The following SHB variants were observed in gnomAD, a reference collection of about 807,000 sequenced individuals.
SHB encodes SH2 domain containing adaptor protein B, also known as SH2 domain-containing adapter protein B.
SHB carries 20 observed loss-of-function variants against 52.3 expected under a neutral mutation model. That is an observed-to-expected ratio of 0.38 (90% confidence interval 0.27 to 0.56). The LOEUF is 0.56. SHB is among the 20% of genes least tolerant of loss of function. The pLI, the probability that SHB is intolerant of heterozygous loss-of-function variation, is 0.71. For missense variants in SHB, 825 were observed against 723.3 expected (o/e 1.14, Z -1.61); for synonymous variants, 397 against 316.5 (o/e 1.25, Z -2.70).
chr9:38,021,660 T>C (rs1326301492), intron 1 of SHB, among the ~76,000 whole-genome samples: 3 of 151,582 alleles, frequency 2.0e-5, no homozygotes, highest in African/African-American at 7.3e-5. Context: ...ACAGCGAGAC[T>C]CTGTCTCAAA....
intron 1 of SHB, among the ~76,000 whole-genome samples, chr9:38,023,502 CGAG>C (rs1048747843): frequency 6.6e-6 from 1 of 152,060 alleles, no homozygotes; most frequent in Non-Finnish European, 1.5e-5. Context: ...TCTCTGCCCA[CGAG>C]AAGATGAAAA....
At chr9:38,010,738 G>A (rs985928656) in intron 2 of SHB, among the ~76,000 whole-genome samples, 10 of 152,204 alleles carry the variant, frequency 6.6e-5, no homozygotes, top group African/African-American at 2.4e-4. Context: ...TTCCTGGAGG[G>A]CAGTGGCGGT....
chr9:38,045,039 G>C (rs1458257523), intron 1 of SHB, among the ~76,000 whole-genome samples: 2 of 152,244 alleles, frequency 1.3e-5, no homozygotes, highest in Non-Finnish European at 2.9e-5. Flanking sequence ...GAGGCATACA[G>C]GTGAGCCTTG....
At chr9:37,988,356 C>T (rs1200396973) in intron 2 of SHB, among the ~76,000 whole-genome samples, 1 of 152,162 alleles carries the variant, frequency 6.6e-6, no homozygotes, top group Non-Finnish European at 1.5e-5. Flanking sequence ...CAGATGATCT[C>T]AGAGGCCTTT....
At chr9:37,936,295 TA>T (rs1005795339) in intron 5 of SHB, among the ~76,000 whole-genome samples, 2 of 152,102 alleles carry the variant, frequency 1.3e-5, no homozygotes, top group Non-Finnish European at 2.9e-5. Flanking sequence ...AAATCTAAAA[TA>T]AAAAGAAGAT....
intron 3 of SHB, among the ~76,000 whole-genome samples, chr9:37,958,783 TG>T (rs1832663125): frequency 6.6e-6 from 1 of 152,204 alleles, no homozygotes; most frequent in Non-Finnish European, 1.5e-5. Context: ...TCCAGTAGCC[TG>T]GATCTCCCAG....
At chr9:38,016,376 C>G (rs1033680337) in intron 1 of SHB, among the ~76,000 whole-genome samples, 4 of 152,184 alleles carry the variant, frequency 2.6e-5, no homozygotes, top group African/African-American at 9.7e-5. Flanking sequence ...GCTCCAGGCA[C>G]AGTGAGGTGA....
chr9:37,956,129 C>CG (rs3215352), intron 3 of SHB, 75 bp from the exon 4 acceptor site: 249,475 of 1,379,352 alleles, frequency 0.18, 24,217 homozygotes, highest in South Asian at 0.21. Flanking sequence ...AGAAGGGTAA[C>CG]GTTCAGCTGG....
At chr9:37,970,452 C>T (rs777354142) in intron 3 of SHB, among the ~76,000 whole-genome samples, 3 of 151,964 alleles carry the variant, frequency 2.0e-5, no homozygotes, top group Non-Finnish European at 4.4e-5. Flanking sequence ...AAGGAAGGCG[C>T]TGACTTCCAG....
At chr9:37,968,114 T>G (rs148651321) in intron 3 of SHB, among the ~76,000 whole-genome samples, 14 of 152,368 alleles carry the variant, frequency 9.2e-5, no homozygotes, top group Admixed American at 7.8e-4. Flanking sequence ...ATGGTTTTTA[T>G]GTTAAATTGA....
chr9:38,014,873 G>A (rs1821191472), intron 2 of SHB, among the ~76,000 whole-genome samples: 3 of 152,188 alleles, frequency 2.0e-5, no homozygotes, highest in African/African-American at 7.2e-5. Context: ...CATGGACCCG[G>A]CACACGCTCA....
intron 1 of SHB, among the ~76,000 whole-genome samples, chr9:38,019,762 G>A (rs1465023329): frequency 1.0e-5 from 1 of 96,474 alleles, no homozygotes; most frequent in South Asian, 3.6e-4. Flanking sequence ...ATGTGCATAA[G>A]GGTCCATGGG....
intron 5 of SHB, among the ~76,000 whole-genome samples, chr9:37,929,694 G>A (rs1038505837): frequency 2.0e-5 from 3 of 152,364 alleles, no homozygotes; most frequent in East Asian, 3.9e-4. Context: ...GCCCAGCTCT[G>A]TGGCCGGATG....
rs112078466 is a variant in SHB, at chr9:37,938,672, C to G, written c.1346+9963G>C. On this transcript the variant is annotated intron_variant, in intron 5 of 5. Transcript: ENST00000377707. ...TAAAAACCGGCTGGAAATGTAATCGCGGCTGCTCAGATGCTGGAGAAGACC... is the reference window on the plus strand; with the variant it reads ...TAAAAACCGGCTGGAAATGTAATCGGGGCTGCTCAGATGCTGGAGAAGACC... Among the ~76,000 whole-genome samples the G allele has an allele frequency of 7.9e-3, 1,205 of 152,248 alleles. 16 individuals carry two copies. Among genetic ancestry groups the G allele is most frequent in the African/African-American group, 0.027 (1,140 of 41,524 alleles).
chr9:37,949,651 C>T (rs570638823), intron 4 of SHB, among the ~76,000 whole-genome samples: 1 of 152,120 alleles, frequency 6.6e-6, no homozygotes, highest in Non-Finnish European at 1.5e-5. Context: ...GCAGCAGGGG[C>T]TTTTCTCTGT....
At chr9:38,008,500 T>G (rs139163956) in intron 2 of SHB, among the ~76,000 whole-genome samples, 1,866 of 152,366 alleles carry the variant, frequency 0.012, 36 homozygotes, top group Admixed American at 0.045. Flanking sequence ...CTGCACAGTC[T>G]ACGACCAAGC....
chr9:37,930,474 G>T (rs1016904982), intron 5 of SHB, among the ~76,000 whole-genome samples: 24 of 152,102 alleles, frequency 1.6e-4, no homozygotes, highest in African/African-American at 5.6e-4. Context: ...AATGCCCCCT[G>T]CTCCTCATTT....
chr9:37,954,040 G>A (rs544262212), intron 4 of SHB, among the ~76,000 whole-genome samples: 191 of 152,304 alleles, frequency 1.3e-3, no homozygotes, highest in Non-Finnish European at 2.2e-3. Context: ...GGCCCAGACT[G>A]ACCCAGGCAG....
intron 3 of SHB, among the ~76,000 whole-genome samples, chr9:37,970,897 G>C (rs1820583603): frequency 6.6e-6 from 1 of 151,958 alleles, no homozygotes; most frequent in South Asian, 2.1e-4. Context: ...TTGGAAATTT[G>C]AAAGCACTGA....
Sources: allele counts gnomAD v4.1 joint callset (sites outside exome capture counted in the v4.1 genomes callset), GRCh38; gene constraint gnomAD v4.1.1; transcripts MANE v1.5; gene names NCBI Gene and HGNC (gene_info 2026-07-23, HGNC 2026-07-21).